IDH3G: variants seen among roughly 807,000 people sequenced by gnomAD.
IDH3G encodes isocitrate dehydrogenase (NAD(+)) 3 non-catalytic subunit gamma.
In IDH3G, 9 loss-of-function variants were observed where a neutral mutation model predicts 26.9. The ratio of observed to expected loss-of-function variants is 0.34; its 90% CI spans 0.20 to 0.58. The LOEUF (loss-of-function observed/expected upper bound fraction) is 0.58. Ranked by LOEUF, IDH3G falls within the 20% of genes least tolerant of loss-of-function variation. IDH3G has a pLI of 0.85. For missense variants in IDH3G, 250 were observed against 372.8 expected (o/e 0.67, Z 2.71); for synonymous variants, 181 against 160.0 (o/e 1.13, Z -0.99).
chrX:153,787,316 TG>T, intron 8 of IDH3G, 147 bp downstream of exon 8: 2 of 823,482 alleles, frequency 2.4e-6, no homozygotes, highest in Non-Finnish European at 3.5e-6. Context: ...GTGTGGGTTC[TG>T]GCAAGGCCTC....
rs782216521 is a variant in IDH3G, at chrX:153,794,186, G to C, written c.81+60C>G. ...TCGGACTCCAGACTGCTTCGGGTGCGGCTACCCCACCGCTCCCCTGCGACC... is the reference window on the plus strand; with the variant it reads ...TCGGACTCCAGACTGCTTCGGGTGCCGCTACCCCACCGCTCCCCTGCGACC... On this transcript the variant is annotated intron_variant, in intron 1 of 12. Transcript: ENST00000217901. 9.7e-5 allele frequency: 108 copies of C among 1,116,516 alleles called. 1 individual carries two copies. The Middle Eastern group carries it at 1.2e-3, about 12-fold the overall frequency. 92.0% of individuals were successfully genotyped at this position (1,116,516 alleles called of 1,213,427 possible).
At chrX:153,789,225 A>C (rs931743050) in intron 5 of IDH3G, 15 of 341,113 alleles carry the variant, frequency 4.4e-5, no homozygotes, top group Non-Finnish European at 7.1e-5. Context: ...GTGGGGCCCC[A>C]CAAGAGTCAG....
At chrX:153,790,742 G>T in intron 2 of IDH3G, 68 bp downstream of exon 2, 1 of 1,125,358 alleles carries the variant, frequency 8.9e-7, no homozygotes, top group Non-Finnish European at 1.2e-6. Context: ...GACACAGGCC[G>T]TGCACACACG....
rs1393513176 is a variant in IDH3G, at chrX:153,789,807, A to T, written c.251T>A (p.Val84Glu). ...ACTCACGTGCACCTCTTCAAAGTCC[A>T]CTGGTACACATGCGTGCCTGAGGCA... is the stretch of plus-strand genomic sequence containing the variant. ...KSVFRHACVP[V>E]DFEEVHVSSN... is the part of the protein sequence containing the mutation. Residue 84 changes from valine (V) to glutamate (E), a missense_variant, in exon 5 of 13, where the codon GTG becomes GAG. Around this residue, in one of 2 missense-constraint regions of IDH3G, gnomAD observed 201 missense variants for 331.3 expected, o/e 0.61. Coordinates refer to ENST00000217901, the MANE Select transcript of IDH3G (RefSeq NM_004135.4). 1 of 1,193,567 alleles carries T rather than the reference A, an allele frequency of 8.4e-7. No homozygotes were observed. The highest frequency in any genetic ancestry group is 1.1e-6 in the Non-Finnish European group (1 of 882,434).
At chrX:153,789,963 G>T in intron 4 of IDH3G, 139 bp from the exon 5 acceptor site, 1 of 487,748 alleles carries the variant, frequency 2.1e-6, no homozygotes, top group Non-Finnish European at 3.6e-6. Context: ...CACCTTCACT[G>T]ACTGATGGGG....
chrX:153,790,084 GGTC>G (rs1368930799), intron 4 of IDH3G, 108 bp downstream of exon 4: 7 of 630,786 alleles, frequency 1.1e-5, no homozygotes, highest in African/African-American at 6.5e-5. Flanking sequence ...TGGGCTTACA[GGTC>G]GTCTTGCCAT....
At chrX:153,788,526 C>G (rs1311923298) in intron 5 of IDH3G, among the ~76,000 whole-genome samples, 3 of 112,904 alleles carry the variant, frequency 2.7e-5, no homozygotes, top group African/African-American at 9.6e-5. Flanking sequence ...CAAGCCCCCG[C>G]ATCAAGGCAC....
At chrX:153,791,148 G>A in intron 1 of IDH3G, 1 of 325,689 alleles carries the variant, frequency 3.1e-6, no homozygotes. Flanking sequence ...TTATTTTTTT[G>A]GCCAGTTATT....
At chrX:153,786,769 C>T (rs782573129) in intron 10 of IDH3G, 32 bp downstream of exon 10, 22 of 1,185,135 alleles carry the variant, frequency 1.9e-5, no homozygotes, top group Non-Finnish European at 2.4e-5. Flanking sequence ...AGGAGAAAGG[C>T]GGCAAGCCGC....
At chrX:153,790,433 C>A (rs2092105094) in intron 3 of IDH3G, 131 bp downstream of exon 3, 2 of 881,093 alleles carry the variant, frequency 2.3e-6, no homozygotes, top group East Asian at 6.4e-5. Flanking sequence ...CAACTTGGGG[C>A]AGCCCCGTCC....
Position 153,786,290 on chromosome X carries a change from C to T in IDH3G, c.1020-18G>A, listed in dbSNP as rs782431865. 2.5e-6 allele frequency: 3 copies of T among 1,203,902 alleles called. No individual in the cohort carries two copies. In the South Asian group the frequency reaches 5.4e-5, roughly 22 times the overall value. On this transcript the variant is annotated intron_variant, in intron 11 of 12. Coordinates refer to ENST00000217901, the MANE Select transcript of IDH3G (RefSeq NM_004135.4). ...AGTGCAGCCTAGAGGATGGGACAGCCAGCCTTCAGTCCCTGGGGCCCGGAG... is the reference window on the plus strand; with the variant it reads ...AGTGCAGCCTAGAGGATGGGACAGCTAGCCTTCAGTCCCTGGGGCCCGGAG...
In IDH3G at chrX:153,787,808, G is replaced by GC. The variant is rs782241928; in HGVS notation, c.540+14dup. ...TTGACGCTGGGGGGGCTCATCTCGGGCCCCCCATGCACACCTCATGCTCCA... is the reference window on the plus strand; with the variant it reads ...TTGACGCTGGGGGGGCTCATCTCGGGCCCCCCCATGCACACCTCATGCTCCA... On this transcript the variant is annotated intron_variant, in intron 7 of 12. Transcript: ENST00000217901. 2.4e-5 allele frequency: 29 copies of GC among 1,197,125 alleles called. No individual in the cohort carries two copies. The highest frequency in any genetic ancestry group is 3.2e-5 in the Non-Finnish European group (28 of 885,311).
rs1557069194 is a variant in IDH3G, at chrX:153,786,422, C to T, written c.952G>A (p.Ala318Thr). ...GTGGGGTTGGCGATGTTCTTATTGGCGATACTCTTGCCGGTGTTCCTCGTA... is the reference window on the plus strand; with the variant it reads ...GTGGGGTTGGCGATGTTCTTATTGGTGATACTCTTGCCGGTGTTCCTCGTA... ...TATRNTGKSI[A>T]NKNIANPTAT... The change falls in exon 11 of 13, where the codon GCC (alanine) becomes ACC (threonine). Residue 318 changes from alanine (A) to threonine (T), a missense_variant. Physicochemically the swap from Ala to Thr is moderately conservative, Grantham distance 58. Coordinates refer to ENST00000217901, the MANE Select transcript of IDH3G (RefSeq NM_004135.4). 3.3e-6 allele frequency: 4 copies of T among 1,196,556 alleles called. No individual in the cohort carries two copies. In the African/African-American group the frequency reaches 5.3e-5, roughly 16 times the overall value.
intron 12 of IDH3G, 52 bp from the exon 13 acceptor site, chrX:153,786,025 GTC>G: frequency 3.3e-6 from 4 of 1,210,327 alleles, no homozygotes; most frequent in Non-Finnish European, 4.5e-6. Context: ...ACCCCCCGCT[GTC>G]TCCTGTGACG....
intron 5 of IDH3G, among the ~76,000 whole-genome samples, chrX:153,788,900 G>C (rs1175697632): frequency 4.4e-5 from 5 of 112,884 alleles, no homozygotes; most frequent in Non-Finnish European, 7.5e-5. Flanking sequence ...AAGAATCCCT[G>C]CCTGGGCTGT....
rs782558203 is a variant in IDH3G at position 153,787,885 on chromosome X, C to T, written c.478G>A (p.Asp160Asn). The T allele has an allele frequency of 1.7e-6, 2 of 1,211,135 alleles. No homozygotes were observed. Among genetic ancestry groups the T allele is most frequent in the Non-Finnish European group, 1.1e-6 (1 of 894,724 alleles). ...SLPGVVTRHK[D>N]IDILIVRENT... is the part of the protein sequence containing the mutation. ...TCCCGGACAATGAGGATGTCTATGTCCTTGTGCCGGGTCACCACGCCTGGA... is the reference window on the plus strand; with the variant it reads ...TCCCGGACAATGAGGATGTCTATGTTCTTGTGCCGGGTCACCACGCCTGGA... The change falls in exon 7 of 13, where the codon GAC becomes AAC. Residue 160 changes from aspartate to asparagine, a missense_variant. Transcript: ENST00000217901.
At chrX:153,792,399 G>A (rs896945333) in intron 1 of IDH3G, 1 of 111,297 alleles carries the variant, frequency 9.0e-6, no homozygotes, top group Non-Finnish European at 1.9e-5. Flanking sequence ...TTCACAGAAC[G>A]GAGGTACCTA....
At chrX:153,794,123 G>GA in intron 1 of IDH3G, 123 bp downstream of exon 1, 2 of 771,845 alleles carry the variant, frequency 2.6e-6, no homozygotes, top group African/African-American at 4.3e-5. Flanking sequence ...ACCCCGGCGC[G>GA]AAGCCCTTTC....
At chrX:153,791,460 A>T (rs1557070513) in intron 1 of IDH3G, among the ~76,000 whole-genome samples, 1 of 112,605 alleles carries the variant, frequency 8.9e-6, no homozygotes, top group African/African-American at 3.2e-5. Flanking sequence ...TGGAAGGTTG[A>T]TAACAGAAAC....
Sources: gnomAD v4.1 joint callset for allele counts (sites outside exome capture counted in the v4.1 genomes callset) on GRCh38, gnomAD v4.1.1 for gene constraint, gnomAD v4.1.1 regional missense constraint, MANE v1.5 for transcripts, NCBI Gene and HGNC (gene_info 2026-07-23, HGNC 2026-07-21) for gene names.